CSMD1: variants seen among roughly 807,000 people sequenced by gnomAD.
CSMD1 encodes the protein CUB and sushi domain-containing protein 1.
A neutral mutation model predicts 417.5 loss-of-function variants in CSMD1; 213 were observed. That is an observed-to-expected ratio of 0.51 (90% CI 0.46 to 0.57). The LOEUF (loss-of-function observed/expected upper bound fraction) is 0.57, where lower values mean the gene tolerates loss of function less well. Among genes scored for constraint, CSMD1 ranks in the 20% least tolerant of loss-of-function variants. CSMD1 has a pLI of 0.00. For synonymous variants in CSMD1, 2,862 were observed against 1,736.8 expected (o/e 1.65, Z -16.11); for missense variants, 6,923 against 4,529.7 (o/e 1.53, Z -15.17).
chr8:3,607,516 T>C (rs1033535685), intron 8 of CSMD1, among the ~76,000 whole-genome samples: 1 of 152,202 alleles, frequency 6.6e-6, no homozygotes, highest in Admixed American at 6.5e-5. Context: ...GCACAGTACA[T>C]CTGTCTTACA....
chr8:4,208,614 T>C (rs537462425), intron 3 of CSMD1, among the ~76,000 whole-genome samples: 17 of 152,252 alleles, frequency 1.1e-4, no homozygotes, highest in Non-Finnish European at 2.1e-4. Context: ...AAAATGAATA[T>C]AGAGTCATAA....
At chr8:4,329,071 A>G (rs1799718670) in intron 3 of CSMD1, among the ~76,000 whole-genome samples, 1 of 152,354 alleles carries the variant, frequency 6.6e-6, no homozygotes, top group Non-Finnish European at 1.5e-5. Context: ...AATAAATAAA[A>G]ATTGCACAAC....
chr8:3,053,458 A>G (rs183458962), intron 49 of CSMD1, among the ~76,000 whole-genome samples: 1 of 152,040 alleles, frequency 6.6e-6, no homozygotes, highest in Non-Finnish European at 1.5e-5. Flanking sequence ...CCCTTCCCCA[A>G]TTCATTTTCC....
intron 3 of CSMD1, among the ~76,000 whole-genome samples, chr8:4,353,467 GAAT>G (rs1418910277): frequency 1.3e-5 from 2 of 151,918 alleles, no homozygotes; most frequent in Non-Finnish European, 1.5e-5. Flanking sequence ...TGTGAGAAAA[GAAT>G]AATACATTCT....
At chr8:4,275,402 C>G (rs1267015858) in intron 3 of CSMD1, among the ~76,000 whole-genome samples, 1 of 151,910 alleles carries the variant, frequency 6.6e-6, no homozygotes, top group African/African-American at 2.4e-5. Flanking sequence ...AAGGAAAGGA[C>G]AAAGGAGAAT....
At chr8:4,130,318 G>T (rs1359217949) in intron 3 of CSMD1, among the ~76,000 whole-genome samples, 1 of 152,086 alleles carries the variant, frequency 6.6e-6, no homozygotes, top group Non-Finnish European at 1.5e-5. Flanking sequence ...CCCCAAATAT[G>T]CCTAAGGTCT....
chr8:4,558,017 C>G (rs563558943), intron 2 of CSMD1, among the ~76,000 whole-genome samples: 2 of 152,282 alleles, frequency 1.3e-5, no homozygotes, highest in South Asian at 2.1e-4. Flanking sequence ...ACCCAAAATA[C>G]AGACCACTGA....
At chr8:4,471,637 G>C (rs962377231) in intron 2 of CSMD1, among the ~76,000 whole-genome samples, 2 of 152,128 alleles carry the variant, frequency 1.3e-5, no homozygotes, top group African/African-American at 2.4e-5. Flanking sequence ...GCGGCGACTG[G>C]TTGGAAAGAA....
At chr8:3,291,818 C>G (rs961276288) in intron 25 of CSMD1, among the ~76,000 whole-genome samples, 17 of 152,098 alleles carry the variant, frequency 1.1e-4, no homozygotes, top group Admixed American at 3.3e-4. Flanking sequence ...TTTTGCGTCT[C>G]TATTTCCTTC....
chr8:3,717,517 C>T (rs1479654864), intron 6 of CSMD1, among the ~76,000 whole-genome samples: 1 of 152,096 alleles, frequency 6.6e-6, no homozygotes, highest in African/African-American at 2.4e-5. Context: ...GGGTCCTTGT[C>T]ACATGGCCAT....
At chr8:3,637,342 T>C (rs372280350) in intron 7 of CSMD1, among the ~76,000 whole-genome samples, 1 of 152,138 alleles carries the variant, frequency 6.6e-6, no homozygotes, top group African/African-American at 2.4e-5. Context: ...CTGTAGAATG[T>C]GGATTCTTAT....
rs34254586 is a variant in CSMD1 at position 4,355,325 on chromosome 8, GCACACA to G, written c.415+64622_415+64627del. ...ACTTCATACACACACACACACACAC[GCACACA>G]CACACACGTATATATGATATATATA... On this transcript the variant is annotated intron_variant, in intron 3 of 69. Transcript: ENST00000635120. Among the ~76,000 whole-genome samples, 9 of 148,670 alleles carry G rather than the reference GCACACA, an allele frequency of 6.1e-5. No individual in the cohort carries two copies. In the South Asian group the frequency reaches 1.3e-3, roughly 21 times the overall value.
intron 42 of CSMD1, among the ~76,000 whole-genome samples, chr8:3,110,664 C>A (rs1015547897): frequency 1.3e-5 from 2 of 152,208 alleles, no homozygotes; most frequent in Admixed American, 1.3e-4. Flanking sequence ...GAGTGTCCAG[C>A]ACAATGAATT....
intron 3 of CSMD1, among the ~76,000 whole-genome samples, chr8:4,039,718 C>T (rs561075944): frequency 3.6e-4 from 55 of 152,190 alleles, no homozygotes; most frequent in African/African-American, 1.3e-3. Context: ...TGGAAAAGGG[C>T]AAGATTTGGC....
chr8:4,260,593 A>G (rs2128840673), intron 3 of CSMD1, among the ~76,000 whole-genome samples: 1 of 152,334 alleles, frequency 6.6e-6, no homozygotes, highest in Admixed American at 6.5e-5. Flanking sequence ...ATTGTTTCTG[A>G]AAACACATAT....
intron 12 of CSMD1, among the ~76,000 whole-genome samples, chr8:3,436,372 C>T (rs1304280919): frequency 1.3e-5 from 2 of 152,120 alleles, no homozygotes; most frequent in Non-Finnish European, 2.9e-5. Context: ...TTATTATTTT[C>T]ACTGCAAAAC....
At chr8:4,460,149 A>C (rs143678478) in intron 2 of CSMD1, among the ~76,000 whole-genome samples, 2 of 152,346 alleles carry the variant, frequency 1.3e-5, no homozygotes, top group Admixed American at 6.5e-5. Context: ...AATGAGTGAA[A>C]TTATATAAAT....
At chr8:4,411,186 A>T (rs1172537883) in intron 3 of CSMD1, among the ~76,000 whole-genome samples, 1 of 152,202 alleles carries the variant, frequency 6.6e-6, no homozygotes, top group African/African-American at 2.4e-5. Context: ...GTAACACAGC[A>T]ACATAAAATG....
intron 7 of CSMD1, among the ~76,000 whole-genome samples, chr8:3,625,664 C>T (rs56904379): frequency 4.1e-4 from 62 of 152,190 alleles, no homozygotes; most frequent in African/African-American, 1.3e-3. Flanking sequence ...AAAAAAATAA[C>T]TCTATTGTAC....
Sources: allele counts gnomAD v4.1 joint callset (sites outside exome capture counted in the v4.1 genomes callset), GRCh38; gene constraint gnomAD v4.1.1; transcripts MANE v1.5; gene names NCBI Gene and HGNC (gene_info 2026-07-23, HGNC 2026-07-21).